XKR4: variants seen among roughly 807,000 people sequenced by gnomAD.
XKR4 encodes the protein XK related 4, also known as XK-related protein 4.
A neutral mutation model predicts 53.9 loss-of-function variants in XKR4; 12 were observed. The observed-to-expected ratio is 0.22, with a 90% confidence interval of 0.14 to 0.36. XKR4 has a LOEUF of 0.36. XKR4 is among the 10% of genes least tolerant of loss of function. XKR4 has a pLI of 1.00. For synonymous variants in XKR4, 354 were observed against 362.4 expected (o/e 0.98, Z 0.26); for missense variants, 799 against 859.5 (o/e 0.93, Z 0.88).
chr8:55,323,124 C>T (rs958064270), intron 1 of XKR4, among the ~76,000 whole-genome samples: 3 of 152,260 alleles, frequency 2.0e-5, no homozygotes, highest in East Asian at 1.9e-4. Flanking sequence ...TACATTATAA[C>T]TAGTGATTTT....
intron 2 of XKR4, chr8:55,454,823 C>T (rs1475858188): frequency 1.7e-5 from 13 of 766,668 alleles, no homozygotes; most frequent in African/African-American, 3.4e-5. Context: ...GCGACAGGTG[C>T]GTAAGGCCTC....
In XKR4 at chr8:55,173,137, C is replaced by T. The variant is rs189099740; in HGVS notation, c.806+69843C>T. ...TCACCCCTGGGAGCTGTCCTGCCCC[C>T]GATCTCCCACACAAACACTCAGCTG... On this transcript the variant is annotated intron_variant, in intron 1 of 2. Transcript: ENST00000327381. 7.2e-5 allele frequency among the ~76,000 whole-genome samples: 11 copies of T among 152,250 alleles called. No homozygotes were observed. The East Asian group carries it at 1.2e-3, about 16-fold the overall frequency.
intron 1 of XKR4, among the ~76,000 whole-genome samples, chr8:55,345,202 G>A (rs1803618138): frequency 6.6e-6 from 1 of 151,926 alleles, no homozygotes; most frequent in African/African-American, 2.4e-5. Flanking sequence ...GCTGAGGCAG[G>A]AGAATCACTT....
intron 2 of XKR4, among the ~76,000 whole-genome samples, chr8:55,417,969 C>A (rs148603799): frequency 3.9e-5 from 6 of 152,050 alleles, no homozygotes; most frequent in Non-Finnish European, 7.4e-5. Flanking sequence ...TAAGGTGGAT[C>A]CCCTGAGAAA....
intron 1 of XKR4, among the ~76,000 whole-genome samples, chr8:55,302,119 A>C (rs562235215): frequency 6.6e-6 from 1 of 152,086 alleles, no homozygotes; most frequent in East Asian, 1.9e-4. Context: ...TAGGGTTTTT[A>C]TGGTTTTAGG....
intron 2 of XKR4, among the ~76,000 whole-genome samples, chr8:55,429,913 A>G (rs1805074622): frequency 6.6e-6 from 1 of 152,172 alleles, no homozygotes; most frequent in East Asian, 1.9e-4. Context: ...TATCTAGAAA[A>G]TATAAAGAGC....
intron 1 of XKR4, among the ~76,000 whole-genome samples, chr8:55,214,409 G>A (rs1257762234): frequency 6.6e-6 from 1 of 152,026 alleles, no homozygotes; most frequent in Non-Finnish European, 1.5e-5. Context: ...TTTATTTTCT[G>A]TTTTTTACAT....
At chr8:55,466,834 A>AT (rs1230186122) in intron 2 of XKR4, among the ~76,000 whole-genome samples, 2 of 152,048 alleles carry the variant, frequency 1.3e-5, no homozygotes, top group Non-Finnish European at 2.9e-5. Context: ...TTATACATTT[A>AT]TTTTTTGTTT....
chr8:55,289,960 T>G (rs1818995385), intron 1 of XKR4, among the ~76,000 whole-genome samples: 1 of 152,076 alleles, frequency 6.6e-6, no homozygotes. Context: ...CCGCTTATAA[T>G]GTATGACTGG....
chr8:55,424,297 G>A (rs978432420), intron 2 of XKR4, among the ~76,000 whole-genome samples: 3 of 152,202 alleles, frequency 2.0e-5, no homozygotes, highest in African/African-American at 7.2e-5. Flanking sequence ...CAGGCAGGGT[G>A]CCAAGTAGAC....
At chr8:55,235,153 G>A (rs554144943) in intron 1 of XKR4, among the ~76,000 whole-genome samples, 5 of 152,286 alleles carry the variant, frequency 3.3e-5, no homozygotes, top group South Asian at 2.1e-4. Flanking sequence ...CCTGGTGCTC[G>A]TTGGCATCAC....
intron 2 of XKR4, chr8:55,453,987 A>G: frequency 1.2e-6 from 1 of 822,274 alleles, no homozygotes; most frequent in Non-Finnish European, 2.0e-6. Context: ...GCCTTATGGA[A>G]GCGGATGACA....
intron 1 of XKR4, among the ~76,000 whole-genome samples, chr8:55,109,468 G>A (rs1816202978): frequency 6.6e-6 from 1 of 152,098 alleles, no homozygotes; most frequent in Non-Finnish European, 1.5e-5. Context: ...AAATCCATAT[G>A]CCACCCCTGA....
At chr8:55,240,966 T>C (rs1353537639) in intron 1 of XKR4, among the ~76,000 whole-genome samples, 5 of 152,334 alleles carry the variant, frequency 3.3e-5, no homozygotes, top group African/African-American at 1.2e-4. Flanking sequence ...GGCCCTGTCT[T>C]ATAACAGATG....
At chr8:55,175,773 A>G (rs1817223342) in intron 1 of XKR4, among the ~76,000 whole-genome samples, 1 of 152,230 alleles carries the variant, frequency 6.6e-6, no homozygotes, top group Non-Finnish European at 1.5e-5. Flanking sequence ...TTATTTATAG[A>G]GAAGACCATA....
At chr8:55,357,651 T>C (rs1803839270) in intron 1 of XKR4, 27 bp from the exon 2 acceptor site, 1 of 1,612,222 alleles carries the variant, frequency 6.2e-7, no homozygotes, top group South Asian at 1.1e-5. Context: ...ACTCATCTCT[T>C]TCTTATTCTC....
chr8:55,385,069 G>A (rs1466776483), intron 2 of XKR4, among the ~76,000 whole-genome samples: 1 of 152,122 alleles, frequency 6.6e-6, no homozygotes, highest in Non-Finnish European at 1.5e-5. Context: ...ACAGATTTAA[G>A]TCAGGTAAAG....
At chr8:55,347,245 A>G (rs779820194) in intron 1 of XKR4, among the ~76,000 whole-genome samples, 12 of 152,356 alleles carry the variant, frequency 7.9e-5, no homozygotes, top group Non-Finnish European at 1.6e-4. Context: ...GTTTGAGTCC[A>G]TGGTGCTGTT....
chr8:55,414,677 G>A (rs931275174), intron 2 of XKR4, among the ~76,000 whole-genome samples: 1 of 151,898 alleles, frequency 6.6e-6, no homozygotes, highest in Non-Finnish European at 1.5e-5. Flanking sequence ...GATCACTAGG[G>A]ACCATTTAAG....
Sources: gnomAD v4.1 joint callset for allele counts (sites outside exome capture counted in the v4.1 genomes callset) on GRCh38, gnomAD v4.1.1 for gene constraint, MANE v1.5 for transcripts, NCBI Gene and HGNC (gene_info 2026-07-23, HGNC 2026-07-21) for gene names.